GRAMD1B: variants seen among roughly 807,000 people sequenced by gnomAD.
GRAMD1B encodes the protein protein Aster-B.
In GRAMD1B, 37 loss-of-function variants were observed where a neutral mutation model predicts 99.7. That is an observed-to-expected ratio of 0.37 (90% CI 0.29 to 0.49). The LOEUF (loss-of-function observed/expected upper bound fraction) is 0.49. GRAMD1B is among the 20% of genes least tolerant of loss of function. GRAMD1B has a pLI of 0.98. For synonymous variants in GRAMD1B, 427 were observed against 387.6 expected, an observed-to-expected ratio of 1.10 and a Z score of -1.19; for missense variants, 888 against 1,009.2, an observed-to-expected ratio of 0.88 and a Z score of 1.63.
In GRAMD1B at chr11:123,571,487, G is replaced by C. The variant is rs1164558175; in HGVS notation, c.453-5880G>C. On this transcript the variant is annotated intron_variant, in intron 2 of 19. Transcript: ENST00000635736. ...CTATAGGAGGTAGGATCAAACCATA[G>C]GTAGCATGAGATACTGTGATCAGAC... is the stretch of plus-strand genomic sequence containing the variant. Among the ~76,000 whole-genome samples the C allele has an allele frequency of 3.3e-5, 5 of 152,188 alleles. No homozygotes were observed. In the East Asian group the frequency reaches 9.6e-4, roughly 29 times the overall value.
chr11:123,405,642 G>C (rs1947829925), intron 1 of GRAMD1B, among the ~76,000 whole-genome samples: 1 of 152,138 alleles, frequency 6.6e-6, no homozygotes, highest in Non-Finnish European at 1.5e-5. Flanking sequence ...CCTGTACCAA[G>C]TCAGAGAATT....
At chr11:123,494,009 A>G (rs542040036) in intron 2 of GRAMD1B, among the ~76,000 whole-genome samples, 2 of 152,260 alleles carry the variant, frequency 1.3e-5, no homozygotes, top group African/African-American at 4.8e-5. Flanking sequence ...TTTAGCATTA[A>G]TCACATTATA....
intron 2 of GRAMD1B, among the ~76,000 whole-genome samples, chr11:123,575,860 A>G (rs1042738882): frequency 6.6e-6 from 1 of 152,248 alleles, no homozygotes; most frequent in Non-Finnish European, 1.5e-5. Flanking sequence ...GGCCTCCCCC[A>G]ATAACAATTA....
At chr11:123,527,160 C>G (rs1260649852) in intron 2 of GRAMD1B, among the ~76,000 whole-genome samples, 1 of 152,132 alleles carries the variant, frequency 6.6e-6, no homozygotes, top group Non-Finnish European at 1.5e-5. Context: ...GCCTTCATTG[C>G]GGCTGGCTGT....
At chr11:123,391,517 C>T (rs1947278780) in intron 1 of GRAMD1B, among the ~76,000 whole-genome samples, 1 of 152,112 alleles carries the variant, frequency 6.6e-6, no homozygotes, top group Admixed American at 6.6e-5. Context: ...AGTGCAGTGG[C>T]ATGATCTCGG....
At chr11:123,488,244 T>C (rs1161603445) in intron 2 of GRAMD1B, among the ~76,000 whole-genome samples, 2 of 152,128 alleles carry the variant, frequency 1.3e-5, no homozygotes. Context: ...TTTCAACATA[T>C]ACATTTGGGG....
chr11:123,554,301 T>C (rs1945920327), intron 2 of GRAMD1B, among the ~76,000 whole-genome samples: 1 of 152,204 alleles, frequency 6.6e-6, no homozygotes, highest in South Asian at 2.1e-4. Flanking sequence ...CCTACTCATC[T>C]GAGTTTCTTT....
upstream of GRAMD1B, among the ~76,000 whole-genome samples, chr11:123,429,708 C>T (rs2134159305): frequency 6.6e-6 from 1 of 152,236 alleles, no homozygotes; most frequent in East Asian, 1.9e-4. This position sits in a 1 kb window ranked among gnomAD's most constrained non-coding sequence, Gnocchi z 4.0. Context: ...ACCCTGTTGT[C>T]TGTCTTTCCT....
At chr11:123,599,273 C>T (rs1271322570) in intron 7 of GRAMD1B, 2 of 736,938 alleles carry the variant, frequency 2.7e-6, no homozygotes, top group African/African-American at 3.4e-5. Context: ...TATCATCATA[C>T]AAATCCCTTG....
chr11:123,375,257 T>A (rs1467061831), intron 1 of GRAMD1B, among the ~76,000 whole-genome samples: 1 of 152,146 alleles, frequency 6.6e-6, no homozygotes, highest in Non-Finnish European at 1.5e-5. Flanking sequence ...CACAACTATG[T>A]CATATTAAAC....
chr11:123,406,016 C>CTTTTTTTT (rs72167101), intron 1 of GRAMD1B, among the ~76,000 whole-genome samples: 1 of 139,964 alleles, frequency 7.1e-6, no homozygotes. Flanking sequence ...AACATTATTC[C>CTTTTTTTT]TTTTTTTTTT....
At chr11:123,455,219 A>T (rs1950061251) in intron 1 of GRAMD1B, among the ~76,000 whole-genome samples, 1 of 152,222 alleles carries the variant, frequency 6.6e-6, no homozygotes, top group African/African-American at 2.4e-5. Context: ...TGTGTCTATT[A>T]TGACTAGGTA....
intron 3 of GRAMD1B, among the ~76,000 whole-genome samples, chr11:123,583,369 GTGCA>G (rs1949661711): frequency 6.8e-6 from 1 of 146,660 alleles, no homozygotes; most frequent in African/African-American, 2.5e-5. Flanking sequence ...GTATGTGTGT[GTGCA>G]CGTGTGTGGT....
intron 1 of GRAMD1B, among the ~76,000 whole-genome samples, chr11:123,423,416 C>T (rs1948529641): frequency 1.3e-5 from 2 of 152,104 alleles, no homozygotes; most frequent in Admixed American, 6.6e-5. Context: ...CAGTCTAACT[C>T]TAGGCATTAG....
intron 2 of GRAMD1B, among the ~76,000 whole-genome samples, chr11:123,568,913 G>C (rs1047599046): frequency 2.0e-5 from 3 of 152,206 alleles, no homozygotes; most frequent in Non-Finnish European, 2.9e-5. Flanking sequence ...ACAGAGAGCA[G>C]GTTCCATGCG....
At chr11:123,618,580 G>A (rs1214327498) in intron 17 of GRAMD1B, 113 bp from the exon 18 acceptor site, 3 of 813,684 alleles carry the variant, frequency 3.7e-6, no homozygotes, top group Non-Finnish European at 4.4e-6. Flanking sequence ...GTCACTCACT[G>A]CAATGCTTTG....
intron 2 of GRAMD1B, among the ~76,000 whole-genome samples, chr11:123,571,017 A>T (rs902813759): frequency 1.3e-5 from 2 of 152,240 alleles, no homozygotes; most frequent in Non-Finnish European, 2.9e-5. Context: ...GGGCTGGGGC[A>T]GCCAGGCGCA....
At chr11:123,620,368 G>C (rs1954948978) in intron 19 of GRAMD1B, among the ~76,000 whole-genome samples, 1 of 150,554 alleles carries the variant, frequency 6.6e-6, no homozygotes, top group South Asian at 2.1e-4. Flanking sequence ...CAGCTACTTG[G>C]GAGGCTAAGG....
intron 2 of GRAMD1B, among the ~76,000 whole-genome samples, chr11:123,513,254 G>A (rs1412902985): frequency 6.6e-6 from 1 of 152,178 alleles, no homozygotes; most frequent in Non-Finnish European, 1.5e-5. Context: ...GGTGTGGTCA[G>A]TCTTATGACA....
Sources: gnomAD v4.1 joint callset for allele counts (sites outside exome capture counted in the v4.1 genomes callset) on GRCh38, gnomAD v4.1.1 for gene constraint, Gnocchi (gnomAD v3.1) non-coding constraint, MANE v1.5 for transcripts, NCBI Gene and HGNC (gene_info 2026-07-23, HGNC 2026-07-21) for gene names.